ARFGEF3: variants seen among roughly 807,000 people sequenced by gnomAD.
ARFGEF3 encodes brefeldin A-inhibited guanine nucleotide-exchange protein 3.
A neutral mutation model predicts 221.7 loss-of-function variants in ARFGEF3; 96 were observed. The ratio of observed to expected loss-of-function variants is 0.43; its 90% CI spans 0.37 to 0.51. ARFGEF3 has a LOEUF of 0.51. Ranked by LOEUF, ARFGEF3 falls within the 20% of genes least tolerant of loss-of-function variation. The pLI is 0.00. For synonymous variants in ARFGEF3, 1,145 were observed against 1,126.8 expected (o/e 1.02, Z -0.32); for missense variants, 2,410 against 2,789.9 (o/e 0.86, Z 3.07).
At chr6:138,264,392 A>G (rs968330765) in intron 12 of ARFGEF3, among the ~76,000 whole-genome samples, 1 of 152,212 alleles carries the variant, frequency 6.6e-6, no homozygotes, top group Non-Finnish European at 1.5e-5. Flanking sequence ...TATGGTGGGA[A>G]TAAATGTTGG....
chr6:138,300,983 A>T (rs1779619233), intron 22 of ARFGEF3, among the ~76,000 whole-genome samples: 1 of 152,250 alleles, frequency 6.6e-6, no homozygotes, highest in African/African-American at 2.4e-5. Flanking sequence ...TCAATAAAAA[A>T]TAACCAGGCT....
intron 1 of ARFGEF3, among the ~76,000 whole-genome samples, chr6:138,170,046 G>A (rs1033835317): frequency 3.3e-5 from 5 of 152,160 alleles, no homozygotes; most frequent in Non-Finnish European, 5.9e-5. Flanking sequence ...AGACTGGTGA[G>A]CTTTTCATTA....
intron 22 of ARFGEF3, among the ~76,000 whole-genome samples, chr6:138,301,815 T>TA (rs1779634062): frequency 6.6e-6 from 1 of 152,214 alleles, no homozygotes; most frequent in Non-Finnish European, 1.5e-5. Flanking sequence ...TGTTTGAGCA[T>TA]AGTTTCCACC....
chr6:138,184,641 T>A lies in ARFGEF3; in HGVS notation c.137+13928T>A, dbSNP rs557912372. Among the ~76,000 whole-genome samples the A allele has an allele frequency of 1.4e-4, 22 of 152,380 alleles. 1 individual carries two copies. The highest frequency in any genetic ancestry group is 4.8e-4 in the African/African-American group (20 of 41,592). Reference sequence around the variant, plus strand: ...ATCTGCCTGAGCAGGCAAGATTTGGTAAACTTGACTATGGCAGTCTTAAGT... The same window carrying A: ...ATCTGCCTGAGCAGGCAAGATTTGGAAAACTTGACTATGGCAGTCTTAAGT... On this transcript the variant is annotated intron_variant, in intron 2 of 33. Transcript: ENST00000251691.
chr6:138,286,307 G>A lies in ARFGEF3; in HGVS notation c.2569+254G>A, dbSNP rs182086394. 5.4e-3 allele frequency among the ~76,000 whole-genome samples: 820 copies of A among 152,166 alleles called. 7 individuals carry two copies. The highest frequency in any genetic ancestry group is 0.019 in the African/African-American group (779 of 41,536). ...CTACTAAAAATACAAAAAATTAGCC[G>A]GGTGTGGTGGTGGGCACCTGTAGTC... On this transcript the variant is annotated intron_variant, in intron 15 of 33. Coordinates refer to ENST00000251691, the MANE Select transcript of ARFGEF3 (RefSeq NM_020340.5).
Position 138,242,006 on chromosome 6 carries a change from A to G in ARFGEF3, c.544-946A>G, listed in dbSNP as rs113299224. Among the ~76,000 whole-genome samples the G allele has an allele frequency of 3.5e-4, 54 of 152,338 alleles. 1 individual carries two copies. The highest frequency in any genetic ancestry group is 1.2e-3 in the African/African-American group (51 of 41,588). Reference sequence around the variant, plus strand: ...ATGACTTAAATGTGCTTCCTCCGGAATGTTGTTCTCAACTTGACTTTAGCC... The same window carrying G: ...ATGACTTAAATGTGCTTCCTCCGGAGTGTTGTTCTCAACTTGACTTTAGCC... On this transcript the variant is annotated intron_variant, in intron 6 of 33. Transcript: ENST00000251691.
intron 32 of ARFGEF3, among the ~76,000 whole-genome samples, chr6:138,329,159 A>G (rs545201233): frequency 4.6e-5 from 7 of 152,324 alleles, no homozygotes; most frequent in African/African-American, 9.6e-5. Context: ...CCTTAAAAAT[A>G]TGGTTCCTAG....
chr6:138,303,909 A>C (rs1779672922), intron 22 of ARFGEF3, among the ~76,000 whole-genome samples: 1 of 137,234 alleles, frequency 7.3e-6, no homozygotes. Context: ...AGTGTTGGTG[A>C]GGGAGGAGGT....
intron 22 of ARFGEF3, among the ~76,000 whole-genome samples, chr6:138,300,492 A>G (rs758157684): frequency 9.2e-5 from 14 of 152,224 alleles, no homozygotes; most frequent in Non-Finnish European, 1.9e-4. Context: ...CTGACATACT[A>G]TAGGGCAGTG....
At chr6:138,191,241 T>C (rs1013588355) in intron 2 of ARFGEF3, among the ~76,000 whole-genome samples, 1 of 152,116 alleles carries the variant, frequency 6.6e-6, no homozygotes, top group African/African-American at 2.4e-5. Flanking sequence ...TTAGGTGACG[T>C]GGGACAAGTT....
In ARFGEF3 at chr6:138,298,761, G is replaced by A; in HGVS notation, c.3804G>A (p.Leu1268=). Residue 1268 remains leucine, a synonymous_variant, in exon 22 of 34, where the codon TTG becomes TTA. Coordinates refer to ENST00000251691, the MANE Select transcript of ARFGEF3 (RefSeq NM_020340.5). ...RPFERIMQLE[L]CDEDVQDQVV... is the part of the protein sequence containing the mutation. ...TCGAGCGCATTATGCAGCTGGAATT[G>A]TGTGATGAGGACGTCCAAGACCAGG... 1 of 1,612,900 alleles carries A rather than the reference G, an allele frequency of 6.2e-7. No homozygotes were observed. Among genetic ancestry groups the A allele is most frequent in the Non-Finnish European group, 8.5e-7 (1 of 1,179,612 alleles).
chr6:138,281,765 T>C (rs1044032379), intron 14 of ARFGEF3, among the ~76,000 whole-genome samples: 3 of 152,176 alleles, frequency 2.0e-5, no homozygotes, highest in Admixed American at 2.0e-4. Context: ...GCCATATTGT[T>C]GTGGTGCAGT....
intron 2 of ARFGEF3, among the ~76,000 whole-genome samples, chr6:138,188,312 C>G (rs532339345): frequency 1.3e-5 from 2 of 152,140 alleles, no homozygotes; most frequent in African/African-American, 2.4e-5. Context: ...AGGTTCCCCC[C>G]CTCCGGTAAT....
At position 138,162,245 on chromosome 6, in the gene ARFGEF3, G is replaced by A; in HGVS notation, c.85+74G>A. 5 of 1,093,946 alleles carry A rather than the reference G, an allele frequency of 4.6e-6. No homozygotes were observed. Among genetic ancestry groups the A allele is most frequent in the South Asian group, 3.0e-5 (2 of 67,320 alleles). The allele number at this position is 1,093,946 out of a possible 1,614,324, so 67.8% of individuals were successfully genotyped here. A position where few individuals can be genotyped will look rare whatever the true frequency, so the allele number is the denominator to read the frequency against. ...GGCTGAACCCGCGCCTCCGCGCGTG[G>A]GGCTTTCGCGGAGCGTCGGTCATGG... On this transcript the variant is annotated intron_variant, in intron 1 of 33. Coordinates refer to ENST00000251691, the MANE Select transcript of ARFGEF3 (RefSeq NM_020340.5). The surrounding 1 kb of genome is among the most constrained non-coding windows in gnomAD (Gnocchi z 4.7).
In ARFGEF3 at chr6:138,338,910, A is replaced by G. The variant is rs1161881317; in HGVS notation, c.*2424A>G. The G allele has an allele frequency of 2.6e-5, 4 of 152,142 alleles. No individual in the cohort carries two copies. Among genetic ancestry groups the G allele is most frequent in the South Asian group, 2.1e-4 (1 of 4,828 alleles). 9.4% of individuals were successfully genotyped at this position (152,142 alleles called of 1,614,324 possible). A position where few individuals can be genotyped will look rare whatever the true frequency, so the allele number is the denominator to read the frequency against. On this transcript the variant is annotated 3_prime_UTR_variant, in exon 34 of 34. Coordinates refer to ENST00000251691, the MANE Select transcript of ARFGEF3 (RefSeq NM_020340.5). ...ATTATGGGATCCAAAATTCTTGAAC[A>G]TAAGTTTACCCTGTACTGTGTCCAA...
intron 19 of ARFGEF3, among the ~76,000 whole-genome samples, chr6:138,292,295 C>T (rs1298966767): frequency 6.6e-6 from 1 of 152,196 alleles, no homozygotes; most frequent in East Asian, 1.9e-4. Context: ...ACTCTGGGAT[C>T]TCAGGCAACC....
At chr6:138,293,185 C>T (rs1779445403) in intron 19 of ARFGEF3, among the ~76,000 whole-genome samples, 1 of 152,124 alleles carries the variant, frequency 6.6e-6, no homozygotes. Context: ...CACTGTTTGC[C>T]CTGCGGTGTC....
chr6:138,192,378 T>C (rs1450989938), intron 2 of ARFGEF3, among the ~76,000 whole-genome samples: 6 of 152,092 alleles, frequency 3.9e-5, no homozygotes, highest in Non-Finnish European at 8.8e-5. Context: ...TCCCAGCTAC[T>C]TGGGAGGCTG....
At chr6:138,167,054 G>T (rs192865847) in intron 1 of ARFGEF3, among the ~76,000 whole-genome samples, 1 of 152,070 alleles carries the variant, frequency 6.6e-6, no homozygotes, top group Admixed American at 6.5e-5. Flanking sequence ...ACAGCCATTC[G>T]GCTGGCAGAC....
Sources: gnomAD v4.1 joint callset for allele counts (sites outside exome capture counted in the v4.1 genomes callset) on GRCh38, gnomAD v4.1.1 for gene constraint, Gnocchi (gnomAD v3.1) non-coding constraint, MANE v1.5 for transcripts, NCBI Gene and HGNC (gene_info 2026-07-23, HGNC 2026-07-21) for gene names.